Variants in NSUN6 observed in about 807,000 individuals in gnomAD.
NSUN6 encodes tRNA (cytosine(72)-C(5))-methyltransferase NSUN6.
In NSUN6, 64 loss-of-function variants were observed where a neutral mutation model predicts 58.0. The observed-to-expected ratio is 1.10, with a 90% confidence interval of 0.90 to 1.36. The LOEUF is 1.36. Ranked by LOEUF, NSUN6 falls within the 40% of genes most tolerant of loss-of-function variation. NSUN6 has a pLI of 0.00. For missense variants in NSUN6, 701 were observed against 550.1 expected, an observed-to-expected ratio of 1.27 and a Z score of -2.74; for synonymous variants, 231 against 193.9, an observed-to-expected ratio of 1.19 and a Z score of -1.59.
chr10:18,581,309 T>C (rs954042236), intron 8 of NSUN6, among the ~76,000 whole-genome samples: 4 of 152,114 alleles, frequency 2.6e-5, no homozygotes, highest in African/African-American at 9.7e-5. Flanking sequence ...CATAAAGACC[T>C]TGCTGATAAA....
intron 3 of NSUN6, among the ~76,000 whole-genome samples, chr10:18,628,573 G>A (rs2058912170): frequency 6.6e-6 from 1 of 152,222 alleles, no homozygotes; most frequent in African/African-American, 2.4e-5. Flanking sequence ...AGCTGAGGGA[G>A]CTGAAAACCA....
At position 18,545,714 on chromosome 10, in the gene NSUN6, C is replaced by T; in HGVS notation, c.*219G>A. The T allele has an allele frequency of 1.1e-5, 5 of 463,602 alleles. No individual in the cohort carries two copies. The highest frequency in any genetic ancestry group is 1.9e-5 in the Non-Finnish European group (5 of 268,992). The allele number at this position is 463,602 out of a possible 1,614,324, so 28.7% of individuals were successfully genotyped here. A position where few individuals can be genotyped will look rare whatever the true frequency, so the allele number is the denominator to read the frequency against. ...GCTTTTCTTTATACTCTACTAAATA[C>T]ATAAAAAAAAAAAATCTTTTAAAAA... On this transcript the variant is annotated 3_prime_UTR_variant, in exon 11 of 11. Coordinates refer to ENST00000377304, the MANE Select transcript of NSUN6 (RefSeq NM_182543.5).
upstream of NSUN6, chr10:18,659,257 A>T (rs373998789): frequency 8.9e-6 from 2 of 225,194 alleles, no homozygotes; most frequent in East Asian, 2.1e-4. Context: ...AGAAAACGCC[A>T]CGTCGAAGGC....
intron 8 of NSUN6, among the ~76,000 whole-genome samples, chr10:18,555,045 A>T (rs140201325): frequency 5.1e-4 from 77 of 151,836 alleles, no homozygotes; most frequent in Non-Finnish European, 2.2e-4. Flanking sequence ...GGAGAATGGA[A>T]TGGAATGGAG....
intron 6 of NSUN6, among the ~76,000 whole-genome samples, chr10:18,597,458 C>A (rs1357493883): frequency 2.0e-5 from 3 of 152,094 alleles, no homozygotes; most frequent in Admixed American, 6.6e-5. Flanking sequence ...AACAATACAT[C>A]CATTAGTACA....
intron 3 of NSUN6, among the ~76,000 whole-genome samples, chr10:18,620,115 T>A (rs569586145): frequency 1.4e-5 from 2 of 146,244 alleles, no homozygotes; most frequent in East Asian, 4.2e-4. Context: ...TGAGACGGAG[T>A]CTAGCTCTGT....
intron 8 of NSUN6, among the ~76,000 whole-genome samples, chr10:18,569,635 C>A (rs2056220584): frequency 6.6e-6 from 1 of 151,648 alleles, no homozygotes; most frequent in African/African-American, 2.4e-5. Context: ...CCATTACATT[C>A]CATTCTCCAT....
chr10:18,653,283 C>G, upstream of NSUN6: 1 of 981,706 alleles, frequency 1.0e-6, no homozygotes, highest in Non-Finnish European at 1.2e-6. Flanking sequence ...GGATGAACAT[C>G]TCTATAAACT....
chr10:18,584,188 C>A (rs989216300), intron 8 of NSUN6, among the ~76,000 whole-genome samples: 1 of 152,198 alleles, frequency 6.6e-6, no homozygotes. Flanking sequence ...CGAAATCATG[C>A]CTGCTTGGCC....
chr10:18,637,204 C>T (rs1325012921), intron 3 of NSUN6, among the ~76,000 whole-genome samples: 2 of 152,040 alleles, frequency 1.3e-5, no homozygotes, highest in African/African-American at 4.8e-5. Context: ...CTCAGGTGAT[C>T]CACCCCCCTG....
At chr10:18,639,681 T>G (rs1258927659) in intron 3 of NSUN6, among the ~76,000 whole-genome samples, 1 of 152,240 alleles carries the variant, frequency 6.6e-6, no homozygotes, top group African/African-American at 2.4e-5. Flanking sequence ...GATGAGTAGC[T>G]TAGATCACTA....
At chr10:18,565,800 C>T (rs2055881579) in intron 8 of NSUN6, among the ~76,000 whole-genome samples, 1 of 151,252 alleles carries the variant, frequency 6.6e-6, no homozygotes, top group Non-Finnish European at 1.5e-5. Flanking sequence ...CCACTCCATT[C>T]CTTTCTCCAC....
At chr10:18,558,999 T>C (rs960908913) in intron 8 of NSUN6, among the ~76,000 whole-genome samples, 4 of 147,630 alleles carry the variant, frequency 2.7e-5, no homozygotes, top group Middle Eastern at 4.0e-3. Flanking sequence ...TGCAATGGAA[T>C]GGAAAATGGA....
chr10:18,553,599 A>T (rs2054762923), intron 8 of NSUN6, among the ~76,000 whole-genome samples: 3 of 151,312 alleles, frequency 2.0e-5, no homozygotes, highest in Admixed American at 1.3e-4. Flanking sequence ...TGAATGGAAT[A>T]GGGAATGGAA....
chr10:18,551,973 TA>T lies in NSUN6; in HGVS notation c.923-3del. Reference sequence around the variant, plus strand: ...ATTCTGGTAGAAATGGAGGTTCTCCTATAAAGAGAATTATAATCATGTTTAC... The same window carrying T: ...ATTCTGGTAGAAATGGAGGTTCTCCTTAAAGAGAATTATAATCATGTTTAC... On this transcript the variant is annotated splice_region_variant and splice_polypyrimidine_tract_variant and intron_variant, in intron 8 of 10. Transcript: ENST00000377304. The T allele has an allele frequency of 6.3e-7, 1 of 1,585,710 alleles. No homozygotes were observed. The highest frequency in any genetic ancestry group is 1.7e-5 in the Admixed American group (1 of 59,296).
chr10:18,593,140 T>A (rs1343859890), intron 7 of NSUN6, among the ~76,000 whole-genome samples: 2 of 151,990 alleles, frequency 1.3e-5, no homozygotes, highest in East Asian at 3.9e-4. Flanking sequence ...GAAATGCAAA[T>A]CAAAACCACA....
At chr10:18,604,877 CTCTT>C (rs1157548888) in intron 6 of NSUN6, among the ~76,000 whole-genome samples, 42 of 149,988 alleles carry the variant, frequency 2.8e-4, no homozygotes, top group South Asian at 8.5e-4. Context: ...CAGAGCAAGA[CTCTT>C]TCTTTTTTTT....
chr10:18,569,211 T>C (rs2056190140), intron 8 of NSUN6, among the ~76,000 whole-genome samples: 1 of 150,536 alleles, frequency 6.6e-6, no homozygotes, highest in Non-Finnish European at 1.5e-5. Flanking sequence ...CATTCTGCAT[T>C]CCATTCTCCA....
At position 18,555,497 on chromosome 10, in the gene NSUN6, G is replaced by A. The variant is rs556728591; in HGVS notation, c.923-3526C>T. 2.9e-4 allele frequency among the ~76,000 whole-genome samples: 44 copies of A among 149,788 alleles called. 1 individual carries two copies. The highest frequency in any genetic ancestry group is 7.2e-3 in the Middle Eastern group (2 of 278). ...GCAGTGGTGAATAGAATGGAATGAA[G>A]GATGGTATGGAGAATGGAATGGAAG... On this transcript the variant is annotated intron_variant, in intron 8 of 10. Transcript: ENST00000377304.
Sources: gnomAD v4.1 joint callset for allele counts (sites outside exome capture counted in the v4.1 genomes callset) on GRCh38, gnomAD v4.1.1 for gene constraint, MANE v1.5 for transcripts, NCBI Gene and HGNC (gene_info 2026-07-23, HGNC 2026-07-21) for gene names.